The following CLECL1 variants were observed in gnomAD, a reference collection of about 807,000 sequenced individuals.
The protein encoded by CLECL1 is C-type lectin like 1, also known as C-type lectin-like domain family 1.
intron 3 of CLECL1, among the ~76,000 whole-genome samples, chr12:9,724,647 T>C (rs1866357112): frequency 6.6e-6 from 1 of 152,144 alleles, no homozygotes; most frequent in Non-Finnish European, 1.5e-5. Flanking sequence ...AATTGTCCAA[T>C]ATGAAGAAAA....
At chr12:9,715,690 TC>T (rs1866231580), downstream of CLECL1, among the ~76,000 whole-genome samples, 1 of 152,082 alleles carries the variant, frequency 6.6e-6, no homozygotes, top group Non-Finnish European at 1.5e-5. Flanking sequence ...GCATCCACTC[TC>T]CCAGCTGACA....
chr12:9,715,867 G>T (rs770385468), exon 3 of CLECL1: 1 of 152,314 alleles, frequency 6.6e-6, no homozygotes. Context: ...TTCTCATAAC[G>T]TCACACTGGG....
exon 3 of CLECL1, chr12:9,716,640 A>C (rs1866242369): frequency 2.6e-6 from 1 of 386,564 alleles, no homozygotes; most frequent in African/African-American, 2.2e-5. Context: ...GATATCAAAC[A>C]AGAGCTTTGT....
chr12:9,722,849 T>C (rs1295301755), intron 3 of CLECL1, 36 bp from the exon 2 acceptor site: 1 of 1,483,028 alleles, frequency 6.7e-7, no homozygotes, highest in Non-Finnish European at 9.3e-7. Context: ...AAAATCAATG[T>C]AAAACTGTAT....
upstream of CLECL1, among the ~76,000 whole-genome samples, chr12:9,733,907 C>T (rs183901896): frequency 4.0e-3 from 610 of 152,148 alleles, 4 homozygotes; most frequent in African/African-American, 0.014. Flanking sequence ...TCAACTAATT[C>T]CTGGAAAATG....
chr12:9,718,758 A>G, downstream of CLECL1: 1 of 701,004 alleles, frequency 1.4e-6, no homozygotes, highest in Non-Finnish European at 2.6e-6. Context: ...TTGAAGGTAC[A>G]GCAAAAAGGT....
At chr12:9,706,860 C>T in the CLECL1 span, among the ~76,000 whole-genome samples, 22 of 152,242 alleles carry the variant, frequency 1.4e-4, no homozygotes, top group African/African-American at 5.3e-4. Flanking sequence ...GATGGTGCTG[C>T]CCTCATAGAA....
chr12:9,715,426 A>G (rs772556361), downstream of CLECL1, among the ~76,000 whole-genome samples: 28 of 152,236 alleles, frequency 1.8e-4, no homozygotes, highest in Non-Finnish European at 2.9e-4. Context: ...CAAAGGGGTC[A>G]TAGCACACAT....
At chr12:9,707,215 G>C in the CLECL1 span, among the ~76,000 whole-genome samples, 1 of 152,076 alleles carries the variant, frequency 6.6e-6, no homozygotes, top group Non-Finnish European at 1.5e-5. Flanking sequence ...TTTAATTCTA[G>C]TAAAATGACT....
chr12:9,723,053 C>A (rs1381432349), intron 3 of CLECL1, among the ~76,000 whole-genome samples: 1 of 152,108 alleles, frequency 6.6e-6, no homozygotes, highest in Non-Finnish European at 1.5e-5. Flanking sequence ...AAAAATATAT[C>A]ATGTTTTCTA....
intron 2 of CLECL1, among the ~76,000 whole-genome samples, chr12:9,727,891 G>GA (rs1327619396): frequency 6.6e-6 from 1 of 151,662 alleles, no homozygotes; most frequent in East Asian, 1.9e-4. Flanking sequence ...AAAAGAATTG[G>GA]AAAAAATATG....
downstream of CLECL1, among the ~76,000 whole-genome samples, chr12:9,713,220 A>G (rs1369601920): frequency 1.3e-5 from 2 of 152,222 alleles, no homozygotes; most frequent in Non-Finnish European, 2.9e-5. Flanking sequence ...TCTGGAATCT[A>G]TGAATAACAT....
downstream of CLECL1, among the ~76,000 whole-genome samples, chr12:9,714,828 C>G (rs1048591761): frequency 1.6e-4 from 24 of 152,140 alleles, no homozygotes; most frequent in Non-Finnish European, 3.2e-4. Context: ...GGGCTACATG[C>G]TTGGCTAACT....
the CLECL1 span, among the ~76,000 whole-genome samples, chr12:9,707,977 A>C: frequency 6.6e-6 from 1 of 152,200 alleles, no homozygotes; most frequent in Non-Finnish European, 1.5e-5. Context: ...GTCGACAGCC[A>C]CAGGTACACA....
chr12:9,713,004 G>A (rs1866210374), downstream of CLECL1, among the ~76,000 whole-genome samples: 1 of 152,164 alleles, frequency 6.6e-6, no homozygotes, highest in Non-Finnish European at 1.5e-5. Context: ...TCATCTGGGA[G>A]CATCGGCAAG....
chr12:9,728,925 TC>T (rs1414369631), intron 2 of CLECL1, among the ~76,000 whole-genome samples: 1 of 135,226 alleles, frequency 7.4e-6, no homozygotes, highest in African/African-American at 2.8e-5. Context: ...TCTCTAAGAT[TC>T]AGTGACATAG....
At chr12:9,704,879 C>G in the CLECL1 span, among the ~76,000 whole-genome samples, 4 of 151,966 alleles carry the variant, frequency 2.6e-5, no homozygotes, top group African/African-American at 9.7e-5. Context: ...CATATGTGTG[C>G]GTGTGTAGTT....
At chr12:9,729,310 T>C (rs1383862892) in intron 2 of CLECL1, among the ~76,000 whole-genome samples, 1 of 152,130 alleles carries the variant, frequency 6.6e-6, no homozygotes, top group Non-Finnish European at 1.5e-5. Flanking sequence ...TATCCCAACA[T>C]CAAACTGCAC....
chr12:9,731,945 GTTCTAGTCCATGTTATTTTTCAAATTA>G (rs1332384628), intron 1 of CLECL1, among the ~76,000 whole-genome samples: 12 of 152,186 alleles, frequency 7.9e-5, no homozygotes, highest in Non-Finnish European at 1.5e-5. Flanking sequence ...TGACAGTGCA[GTTCTAGTCCATGTTATTTTTCAAATTA>G]TGTTTCACTA....
Sources: allele counts gnomAD v4.1 joint callset (sites outside exome capture counted in the v4.1 genomes callset), GRCh38; gene constraint gnomAD v4.1.1; transcripts MANE v1.5; gene names NCBI Gene and HGNC (gene_info 2026-07-23, HGNC 2026-07-21).